The following RTL9 variants were observed in gnomAD, a reference collection of about 807,000 sequenced individuals.
RTL9 encodes retrotransposon Gag-like protein 9.
In RTL9, 19 loss-of-function variants were observed where a neutral mutation model predicts 44.7. The ratio of observed to expected loss-of-function variants is 0.42; its 90% CI spans 0.30 to 0.62. The LOEUF (loss-of-function observed/expected upper bound fraction) is 0.62, where lower values mean the gene tolerates loss of function less well. Ranked by LOEUF, RTL9 falls within the 20% of genes least tolerant of loss-of-function variation. RTL9 has a pLI of 0.16. For synonymous variants in RTL9, 407 were observed against 398.9 expected, an observed-to-expected ratio of 1.02 and a Z score of -0.24; for missense variants, 1,105 against 1,080.6, an observed-to-expected ratio of 1.02 and a Z score of -0.32.
chrX:110,416,411 C>A (rs2068678124), upstream of RTL9, among the ~76,000 whole-genome samples: 1 of 112,086 alleles, frequency 8.9e-6, no homozygotes, highest in Non-Finnish European at 1.9e-5. Flanking sequence ...TTATTTACTT[C>A]TCATAGACAA....
chrX:110,378,939 T>G (rs781155053), intron 1 of RTL9, among the ~76,000 whole-genome samples: 3 of 111,104 alleles, frequency 2.7e-5, no homozygotes, highest in East Asian at 5.7e-4. Flanking sequence ...CCACCCCTGC[T>G]GCCCACTGCT....
At chrX:110,373,043 G>A (rs1414314297) in intron 1 of RTL9, among the ~76,000 whole-genome samples, 1 of 111,879 alleles carries the variant, frequency 8.9e-6, no homozygotes, top group Non-Finnish European at 1.9e-5. Context: ...TGTTCTACAT[G>A]ATTTACATGT....
intron 1 of RTL9, among the ~76,000 whole-genome samples, chrX:110,369,256 C>T (rs757896205): frequency 9.0e-6 from 1 of 111,046 alleles, no homozygotes; most frequent in East Asian, 2.8e-4. Context: ...TGCTTGAACC[C>T]GGGGGGTGGA....
exon 1 of RTL9, chrX:110,452,322 G>A (rs1295712399): frequency 1.7e-6 from 2 of 1,211,782 alleles, no homozygotes; most frequent in South Asian, 1.8e-5. Context: ...ACAGATGAAA[G>A]CCATGACTTC....
At chrX:110,419,187 T>C (rs2068700159) in intron 1 of RTL9, 1 of 112,362 alleles carries the variant, frequency 8.9e-6, no homozygotes. Context: ...TCAAAATGCA[T>C]GTACTAATCC....
chrX:110,391,798 A>G (rs2068495416), intron 1 of RTL9, among the ~76,000 whole-genome samples: 1 of 112,412 alleles, frequency 8.9e-6, no homozygotes, highest in Admixed American at 9.4e-5. Context: ...ACTTGGACCG[A>G]ACAGCATAGT....
chrX:110,396,984 T>C (rs2068532889), intron 1 of RTL9, among the ~76,000 whole-genome samples: 1 of 111,768 alleles, frequency 8.9e-6, no homozygotes, highest in Admixed American at 9.4e-5. Flanking sequence ...TTTCTCTTCT[T>C]TTTTTCCATG....
At chrX:110,362,403 A>G (rs1191116894) in intron 1 of RTL9, among the ~76,000 whole-genome samples, 2 of 112,050 alleles carry the variant, frequency 1.8e-5, no homozygotes, top group African/African-American at 6.5e-5. Flanking sequence ...AACAATAATA[A>G]CTCAAATACT....
chrX:110,408,335 C>T (rs187633301), intron 1 of RTL9, among the ~76,000 whole-genome samples: 3 of 111,774 alleles, frequency 2.7e-5, no homozygotes, highest in South Asian at 3.8e-4. Context: ...ACAATACTGC[C>T]CCCTAGGGGA....
At chrX:110,440,574 G>A (rs1283870854) in intron 1 of RTL9, among the ~76,000 whole-genome samples, 1 of 111,724 alleles carries the variant, frequency 9.0e-6, no homozygotes, top group Non-Finnish European at 1.9e-5. Flanking sequence ...TGAGGCAGGG[G>A]TTTGGAAAGA....
At chrX:110,414,661 A>T (rs747742853), upstream of RTL9, among the ~76,000 whole-genome samples, 1 of 112,704 alleles carries the variant, frequency 8.9e-6, no homozygotes, top group African/African-American at 3.2e-5. Flanking sequence ...ATCTTGATGA[A>T]TTATTGTGAC....
At chrX:110,406,375 C>A (rs377074480) in intron 1 of RTL9, among the ~76,000 whole-genome samples, 4 of 110,167 alleles carry the variant, frequency 3.6e-5, no homozygotes, top group Non-Finnish European at 7.6e-5. Flanking sequence ...TCTGATCTTG[C>A]GATAGTTTGC....
intron 1 of RTL9, 25 bp from the exon 4 acceptor site, chrX:110,455,175 CCT>C (rs1206690828): frequency 4.1e-6 from 5 of 1,205,983 alleles, no homozygotes; most frequent in Non-Finnish European, 5.6e-6. Flanking sequence ...GTGGCTCTTA[CCT>C]CTGTTGTCTT....
At chrX:110,444,651 A>T (rs2068899241) in intron 1 of RTL9, among the ~76,000 whole-genome samples, 1 of 112,478 alleles carries the variant, frequency 8.9e-6, no homozygotes, top group African/African-American at 3.2e-5. Context: ...GGAAAATAAA[A>T]ATCTGGAAGT....
At chrX:110,439,180 T>C (rs1381696603) in intron 1 of RTL9, among the ~76,000 whole-genome samples, 1 of 111,950 alleles carries the variant, frequency 8.9e-6, no homozygotes, top group African/African-American at 3.3e-5. Context: ...TGAGCAGCCA[T>C]TGGAGCTGCT....
intron 1 of RTL9, among the ~76,000 whole-genome samples, chrX:110,412,351 A>C (rs2068646872): frequency 8.9e-6 from 1 of 112,420 alleles, no homozygotes; most frequent in Non-Finnish European, 1.9e-5. Context: ...AAATTGAAAA[A>C]ACTAAATGAC....
chrX:110,418,155 C>A (rs182149560), upstream of RTL9, among the ~76,000 whole-genome samples: 2 of 112,590 alleles, frequency 1.8e-5, no homozygotes, highest in Admixed American at 9.3e-5. Context: ...TAGGTTCATC[C>A]GGCATGCAGG....
rs891488265 is a variant in RTL9, at chrX:110,433,052, G to A, written c.-167-12101G>A. ...CATCCCCAGCAGAGCACTGCCAAGA[G>A]GGCTGCTCCCGGGTGGCTCCAGCTG... is the stretch of plus-strand genomic sequence containing the variant. On this transcript the variant is annotated intron_variant, in intron 1 of 3. Coordinates refer to the RTL9 transcript ENST00000465301. Among the ~76,000 whole-genome samples, 7 of 112,643 alleles carry A rather than the reference G, an allele frequency of 6.2e-5. No homozygotes were observed. The South Asian group carries it at 1.1e-3, about 18-fold the overall frequency.
At chrX:110,369,642 C>T (rs1346724505) in intron 1 of RTL9, among the ~76,000 whole-genome samples, 2 of 111,684 alleles carry the variant, frequency 1.8e-5, no homozygotes, top group Non-Finnish European at 3.8e-5. Flanking sequence ...CCTCTGCCCC[C>T]AGCCACCAAG....
Sources: allele counts gnomAD v4.1 joint callset (sites outside exome capture counted in the v4.1 genomes callset), GRCh38; gene constraint gnomAD v4.1.1; transcripts MANE v1.5; gene names NCBI Gene and HGNC (gene_info 2026-07-23, HGNC 2026-07-21).